Variants in RIOK1 observed in about 807,000 individuals in gnomAD.
RIOK1 encodes the protein RIO kinase 1.
A neutral mutation model predicts 73.5 loss-of-function variants in RIOK1; 66 were observed. The ratio of observed to expected loss-of-function variants is 0.90; its 90% CI spans 0.74 to 1.10. RIOK1 has a LOEUF of 1.10. Ranked by LOEUF, RIOK1 falls within the 50% of genes least tolerant of loss-of-function variation. The pLI is 0.00. For synonymous variants in RIOK1, 224 were observed against 226.8 expected (o/e 0.99, Z 0.11); for missense variants, 658 against 699.8 (o/e 0.94, Z 0.67).
chr6:7,404,808 C>A, intron 10 of RIOK1, 110 bp from the exon 11 acceptor site: 1 of 1,018,214 alleles, frequency 9.8e-7, no homozygotes, highest in Non-Finnish European at 1.5e-6. Flanking sequence ...TCTTATCTAC[C>A]TTGGTGATTT....
At chr6:7,394,903 T>C (rs1761434052) in intron 2 of RIOK1, 150 bp from the exon 3 acceptor site, 2 of 1,226,802 alleles carry the variant, frequency 1.6e-6, no homozygotes, top group African/African-American at 1.5e-5. Context: ...AAAAAATTTT[T>C]TGAGCCAATT....
At position 7,411,401 on chromosome 6, in the gene RIOK1, A is replaced by T. The variant is rs750071095; in HGVS notation, c.1339A>T (p.Ile447Phe). ...AAATTATGAGAGGGATATGGACATA[A>T]TTATGAAATTGAAGGAAGAGGACAT... ...VKNYERDMDIIMKLKEEDMAM... is the reference protein window; with the variant it reads ...VKNYERDMDIFMKLKEEDMAM... Residue 447 changes from isoleucine (I) to phenylalanine (F), a missense_variant, in exon 14 of 17, where the codon ATT becomes TTT. Ile to Phe is a conservative substitution (Grantham distance 21). Transcript: ENST00000379834. 1.9e-6 allele frequency: 3 copies of T among 1,614,040 alleles called. No homozygotes were observed. The Admixed American group carries it at 5.0e-5, about 27-fold the overall frequency.
chr6:7,416,692 T>C (rs1014701517), intron 16 of RIOK1, among the ~76,000 whole-genome samples: 34 of 150,212 alleles, frequency 2.3e-4, no homozygotes, highest in African/African-American at 7.6e-4. Context: ...TGGTGGCTCA[T>C]GCCTGTAGTC....
intron 16 of RIOK1, among the ~76,000 whole-genome samples, chr6:7,416,021 G>A (rs1761991856): frequency 1.3e-5 from 2 of 152,166 alleles, no homozygotes; most frequent in African/African-American, 2.4e-5. Context: ...CATCCACTGG[G>A]AGTCTTGGAA....
intron 16 of RIOK1, among the ~76,000 whole-genome samples, chr6:7,415,892 T>G (rs1761988817): frequency 6.6e-6 from 1 of 152,162 alleles, no homozygotes; most frequent in Non-Finnish European, 1.5e-5. Flanking sequence ...TTGTTACCAT[T>G]CTGTTATTAG....
In RIOK1 at chr6:7,412,962, CTGTT is replaced by C; in HGVS notation, c.1443+26_1443+29del. 6.7e-7 allele frequency: 1 copy of C among 1,485,444 alleles called. No individual in the cohort carries two copies. Among genetic ancestry groups the C allele is most frequent in the Non-Finnish European group, 9.1e-7 (1 of 1,099,484 alleles). 92.0% of individuals were successfully genotyped at this position (1,485,444 alleles called of 1,614,324 possible). On this transcript the variant is annotated intron_variant, in intron 15 of 16. Coordinates refer to ENST00000379834, the MANE Select transcript of RIOK1 (RefSeq NM_031480.3). ...CAGAAGGTATGAAGAACATGTGTTA[CTGTT>C]TGTTTATGTGAAAACAGTTTTAAAG...
intron 12 of RIOK1, among the ~76,000 whole-genome samples, chr6:7,409,241 G>A (rs1761827768): frequency 6.7e-6 from 1 of 149,404 alleles, no homozygotes; most frequent in East Asian, 2.0e-4. Context: ...GTGTGTGTGT[G>A]TGTGTGTGTG....
In RIOK1 at chr6:7,393,185, G is replaced by A. The variant is rs1761383723; in HGVS notation, c.158G>A (p.Gly53Asp). ...GACAATGTGAATGAGAATGGTGAAG[G>A]TGAAATAGAAGATGAGGAGGAGGAG... The part of the protein sequence containing the change: ...LQDNVNENGE[G>D]EIEDEEEEGY... Residue 53 changes from glycine (G) to aspartate (D), a missense_variant, in exon 2 of 17, where the codon GGT (glycine) becomes GAT (aspartate). Gly to Asp is a moderately conservative substitution (Grantham distance 94). Transcript: ENST00000379834. 9 of 1,613,316 alleles carry A rather than the reference G, an allele frequency of 5.6e-6. No individual in the cohort carries two copies. The highest frequency in any genetic ancestry group is 2.7e-5 in the African/African-American group (2 of 74,904).
intron 1 of RIOK1, among the ~76,000 whole-genome samples, chr6:7,392,104 C>CGTCTG (rs1448281604): frequency 6.6e-6 from 1 of 152,118 alleles, no homozygotes; most frequent in African/African-American, 2.4e-5. Flanking sequence ...GGCCTGCAGA[C>CGTCTG]ATGTTTTGTT....
intron 12 of RIOK1, among the ~76,000 whole-genome samples, chr6:7,406,921 C>T (rs758601215): frequency 2.6e-5 from 4 of 152,198 alleles, no homozygotes; most frequent in South Asian, 2.1e-4. Flanking sequence ...ATCGGCCTCC[C>T]GAAGTGCTGG....
intron 12 of RIOK1, among the ~76,000 whole-genome samples, chr6:7,406,549 C>G (rs1367243407): frequency 3.9e-5 from 6 of 152,216 alleles, no homozygotes; most frequent in Non-Finnish European, 8.8e-5. Flanking sequence ...TTCACCTACT[C>G]TAGGTACCTC....
At chr6:7,393,338 G>C in intron 2 of RIOK1, 35 bp downstream of exon 2, 1 of 1,522,184 alleles carries the variant, frequency 6.6e-7, no homozygotes, top group Non-Finnish European at 9.1e-7. Flanking sequence ...TCTTTATGTA[G>C]TCTGCTTATG....
chr6:7,405,422 G>A (rs1167664918), intron 12 of RIOK1, 67 bp downstream of exon 12: 4 of 924,996 alleles, frequency 4.3e-6, no homozygotes, highest in Non-Finnish European at 6.9e-6. Flanking sequence ...TATCTCAAGT[G>A]CTTGGGACCA....
At chr6:7,408,157 C>T (rs1479681277) in intron 12 of RIOK1, among the ~76,000 whole-genome samples, 1 of 152,330 alleles carries the variant, frequency 6.6e-6, no homozygotes, top group African/African-American at 2.4e-5. Context: ...CCACCTCAGC[C>T]TCCTGAATAG....
rs1762050559 is a variant in RIOK1 at position 7,418,022 on chromosome 6, G to A, written c.*581G>A. ...GAGTTAGGACCTCTCAGTTCATAAA[G>A]TTTTTTACAATTCAATCATTTGGCA... On this transcript the variant is annotated 3_prime_UTR_variant, in exon 17 of 17. Coordinates refer to ENST00000379834, the MANE Select transcript of RIOK1 (RefSeq NM_031480.3). 1 of 152,188 alleles carries A rather than the reference G, an allele frequency of 6.6e-6. No individual in the cohort carries two copies. Among genetic ancestry groups the A allele is most frequent in the African/African-American group, 2.4e-5 (1 of 41,432 alleles). The allele number at this position is 152,188 out of a possible 1,614,324, so 9.4% of individuals were successfully genotyped here. A position where few individuals can be genotyped will look rare whatever the true frequency, so the allele number is the denominator to read the frequency against.
rs531470095 is a variant in RIOK1 at position 7,415,173 on chromosome 6, G to A, written c.1596+783G>A. On this transcript the variant is annotated intron_variant, in intron 16 of 16. Coordinates refer to ENST00000379834, the MANE Select transcript of RIOK1 (RefSeq NM_031480.3). ...ATTCTTGACTTAACAAGGAACTCAT[G>A]CCTGTAATCCTAGCACTTTGGGAGG... is the stretch of plus-strand genomic sequence containing the variant. Among the ~76,000 whole-genome samples the A allele has an allele frequency of 3.5e-4, 54 of 152,278 alleles. 1 individual carries two copies. The South Asian group carries it at 0.011, about 31-fold the overall frequency.
chr6:7,409,549 A>C (rs906531075), intron 12 of RIOK1, among the ~76,000 whole-genome samples: 24 of 151,684 alleles, frequency 1.6e-4, no homozygotes, highest in African/African-American at 5.6e-4. Flanking sequence ...TCAGCCTCCC[A>C]AAGTGCTGGG....
In RIOK1 at chr6:7,402,817, A is replaced by G; in HGVS notation, c.687A>G (p.Arg229=). The change falls in exon 8 of 17, where the codon AGA becomes AGG. Residue 229 remains arginine, a splice_region_variant and synonymous_variant. Transcript: ENST00000379834. The part of the protein sequence containing the change: ...DRDKYVSGEF[R]FRHGYCKGNP... ...ATAATAAACATTTTTCTTATTCAAG[A>G]TTTCGTCATGGCTATTGTAAAGGAA... 1 of 1,611,098 alleles carries G rather than the reference A, an allele frequency of 6.2e-7. No individual in the cohort carries two copies. The highest frequency in any genetic ancestry group is 8.5e-7 in the Non-Finnish European group (1 of 1,178,464).
At chr6:7,396,798 TG>T (rs1337118088) in intron 4 of RIOK1, 26 bp downstream of exon 4, 1 of 1,273,070 alleles carries the variant, frequency 7.9e-7, no homozygotes, top group East Asian at 2.3e-5. Context: ...ATAATATGCA[TG>T]GGTGATAAGG....
Sources: gnomAD v4.1 joint callset for allele counts (sites outside exome capture counted in the v4.1 genomes callset) on GRCh38, gnomAD v4.1.1 for gene constraint, MANE v1.5 for transcripts, NCBI Gene and HGNC (gene_info 2026-07-23, HGNC 2026-07-21) for gene names.